ATXN7L1: variants seen among roughly 807,000 people sequenced by gnomAD.
ATXN7L1 encodes the protein ataxin 7 like 1.
In ATXN7L1, 15 loss-of-function variants were observed where a neutral mutation model predicts 70.8. The ratio of observed to expected loss-of-function variants is 0.21; its 90% confidence interval spans 0.14 to 0.33. ATXN7L1 has a LOEUF of 0.33. Ranked by LOEUF, ATXN7L1 falls within the 10% of genes least tolerant of loss-of-function variation. The pLI is 1.00. For missense variants in ATXN7L1, 975 were observed against 1,097.1 expected, an observed-to-expected ratio of 0.89 and a Z score of 1.57; for synonymous variants, 440 against 445.1, an observed-to-expected ratio of 0.99 and a Z score of 0.14.
chr7:105,798,870 G>A (rs1394735462), intron 2 of ATXN7L1, among the ~76,000 whole-genome samples: 2 of 152,214 alleles, frequency 1.3e-5, no homozygotes, highest in Non-Finnish European at 2.9e-5. Flanking sequence ...CAAAGAAATG[G>A]GGTGGATGAT....
chr7:105,618,788 A>G (rs949623674), intron 9 of ATXN7L1, among the ~76,000 whole-genome samples: 4 of 152,170 alleles, frequency 2.6e-5, no homozygotes, highest in African/African-American at 9.7e-5. Context: ...GGATGGGGAT[A>G]CCCAGTGGGC....
chr7:105,636,257 T>A (rs1797342147), intron 7 of ATXN7L1, among the ~76,000 whole-genome samples: 1 of 152,218 alleles, frequency 6.6e-6, no homozygotes, highest in Middle Eastern at 3.4e-3. Context: ...TAGCCAGGCA[T>A]GGCGGCACAC....
chr7:105,712,800 C>T lies in ATXN7L1; in HGVS notation c.356-47512G>A, dbSNP rs372963380. ...AGACTGTCCCACATCTTCTTGTCTT[C>T]TTCTGAGCCCTCCAAACTGTTCCAA... On this transcript the variant is annotated intron_variant, in intron 3 of 11. Transcript: ENST00000419735. 1.3e-4 allele frequency among the ~76,000 whole-genome samples: 20 copies of T among 152,350 alleles called. No individual in the cohort carries two copies. The South Asian group carries it at 1.4e-3, about 11-fold the overall frequency.
intron 3 of ATXN7L1, among the ~76,000 whole-genome samples, chr7:105,755,899 G>A (rs1563067002): frequency 1.3e-5 from 2 of 152,154 alleles, no homozygotes; most frequent in South Asian, 2.1e-4. Flanking sequence ...TCATGCAGGT[G>A]GAGACACAGA....
intron 2 of ATXN7L1, chr7:105,820,165 T>G (rs1476692399): frequency 1.5e-5 from 4 of 264,412 alleles, no homozygotes; most frequent in African/African-American, 9.0e-5. Context: ...AGCGTGGGCC[T>G]CATTCAGATG....
At chr7:105,677,943 C>T (rs766610893) in intron 3 of ATXN7L1, 6 of 985,444 alleles carry the variant, frequency 6.1e-6, no homozygotes, top group Non-Finnish European at 6.0e-6. Flanking sequence ...CAGAGCCACT[C>T]ACCCCACAGA....
At chr7:105,773,551 T>G (rs2116445411) in intron 3 of ATXN7L1, among the ~76,000 whole-genome samples, 1 of 152,298 alleles carries the variant, frequency 6.6e-6, no homozygotes, top group South Asian at 2.1e-4. Context: ...GGACCTTCTG[T>G]CTGCTCTTTC....
chr7:105,770,600 T>A (rs1158735399), intron 3 of ATXN7L1, among the ~76,000 whole-genome samples: 1 of 151,936 alleles, frequency 6.6e-6, no homozygotes, highest in Non-Finnish European at 1.5e-5. Context: ...GCAGAGGAAA[T>A]GGGGGTGGAG....
intron 3 of ATXN7L1, chr7:105,678,919 C>T (rs1207448811): frequency 6.7e-6 from 2 of 296,828 alleles, no homozygotes. Flanking sequence ...AGAGCACTGT[C>T]TATGCTAACA....
chr7:105,712,835 G>A (rs1242817013), intron 3 of ATXN7L1, among the ~76,000 whole-genome samples: 1 of 152,134 alleles, frequency 6.6e-6, no homozygotes, highest in Non-Finnish European at 1.5e-5. Flanking sequence ...ACCTCTGCCT[G>A]TTATCCAGTT....
chr7:105,675,434 C>G (rs1325922135), intron 3 of ATXN7L1, among the ~76,000 whole-genome samples: 1 of 152,020 alleles, frequency 6.6e-6, no homozygotes, highest in African/African-American at 2.4e-5. Context: ...ACCAGCCTGG[C>G]CAACATGGTG....
chr7:105,778,524 A>AAAAC (rs1554460007), intron 3 of ATXN7L1, among the ~76,000 whole-genome samples: 4 of 138,272 alleles, frequency 2.9e-5, no homozygotes, highest in African/African-American at 1.2e-4. Flanking sequence ...AAAAAAAAAA[A>AAAAC]AAAAAAAAAA....
At chr7:105,646,124 C>A (rs1346372189) in intron 4 of ATXN7L1, among the ~76,000 whole-genome samples, 1 of 151,014 alleles carries the variant, frequency 6.6e-6, no homozygotes, top group Non-Finnish European at 1.5e-5. Flanking sequence ...CCAGCCCGGG[C>A]AACATAGCGA....
chr7:105,808,118 G>C (rs1308853145), intron 2 of ATXN7L1, among the ~76,000 whole-genome samples: 1 of 152,160 alleles, frequency 6.6e-6, no homozygotes, highest in Non-Finnish European at 1.5e-5. Context: ...GCAGGAAAAG[G>C]AAGAGGCCTT....
At chr7:105,724,047 GTGTATTAGTT>G (rs1451117145) in intron 3 of ATXN7L1, among the ~76,000 whole-genome samples, 3 of 152,196 alleles carry the variant, frequency 2.0e-5, no homozygotes, top group African/African-American at 7.2e-5. Flanking sequence ...AAAAGATGAG[GTGTATTAGTT>G]TCCTAGGACC....
intron 2 of ATXN7L1, among the ~76,000 whole-genome samples, 186 bp downstream of exon 2, chr7:105,875,626 T>TACCC: frequency 1.7e-5 from 1 of 59,586 alleles, no homozygotes; most frequent in South Asian, 7.1e-4. Context: ...CACCCCCCTT[T>TACCC]ACCCCCCCCC....
chr7:105,641,964 AACCC>A (rs1798323753), intron 5 of ATXN7L1, among the ~76,000 whole-genome samples: 1 of 152,234 alleles, frequency 6.6e-6, no homozygotes, highest in Non-Finnish European at 1.5e-5. Context: ...AATCAAGCTT[AACCC>A]GAGGACAGTT....
chr7:105,788,912 A>G (rs1804719696), intron 2 of ATXN7L1, among the ~76,000 whole-genome samples: 1 of 151,970 alleles, frequency 6.6e-6, no homozygotes, highest in South Asian at 2.1e-4. Context: ...ATCCCTCCTT[A>G]TTTCTCCCCT....
intron 3 of ATXN7L1, among the ~76,000 whole-genome samples, chr7:105,747,461 C>A (rs1252231004): frequency 6.6e-6 from 1 of 152,196 alleles, no homozygotes; most frequent in Non-Finnish European, 1.5e-5. Context: ...CCCTCCCAGA[C>A]CTTGCCTTAT....
Sources: allele counts gnomAD v4.1 joint callset (sites outside exome capture counted in the v4.1 genomes callset), GRCh38; gene constraint gnomAD v4.1.1; transcripts MANE v1.5; gene names NCBI Gene and HGNC (gene_info 2026-07-23, HGNC 2026-07-21).